Variants in ATP2B2 observed in about 807,000 individuals in gnomAD.
ATP2B2 encodes ATPase plasma membrane Ca2+ transporting 2.
A neutral mutation model predicts 120.0 loss-of-function variants in ATP2B2; 15 were observed. The observed-to-expected ratio is 0.12, with a 90% confidence interval of 0.08 to 0.19. The LOEUF (loss-of-function observed/expected upper bound fraction) is 0.19, where lower values mean the gene tolerates loss of function less well. Ranked by LOEUF, ATP2B2 falls within the 10% of genes least tolerant of loss-of-function variation. The pLI, the probability that ATP2B2 is intolerant of heterozygous loss-of-function variation, is 1.00. For synonymous variants in ATP2B2, 694 were observed against 700.3 expected (o/e 0.99, Z 0.14); for missense variants, 1,045 against 1,719.8 (o/e 0.61, Z 6.94).
Position 10,347,095 on chromosome 3 carries a change from C to T in ATP2B2, c.2405-958G>A, listed in dbSNP as rs548022610. ...GGAATGTCGTTTTCCTGCTTCCCCC[C>T]TTGGTCTCAGGATAACATCCATGTT... On this transcript the variant is annotated intron_variant, in intron 16 of 22. Coordinates refer to ENST00000360273, the MANE Select transcript of ATP2B2 (RefSeq NM_001001331.4). The surrounding 1 kb of genome is among the most constrained non-coding windows in gnomAD (Gnocchi z 5.2). Among the ~76,000 whole-genome samples, 1 of 152,130 alleles carries T rather than the reference C, an allele frequency of 6.6e-6. No individual in the cohort carries two copies. Among genetic ancestry groups the T allele is most frequent in the African/African-American group, 2.4e-5 (1 of 41,412 alleles).
intron 2 of ATP2B2, among the ~76,000 whole-genome samples, chr3:10,416,764 CT>C (rs112522558): frequency 0.036 from 5,142 of 141,522 alleles, 90 homozygotes; most frequent in Middle Eastern, 0.063. Context: ...TTTTCTTTTT[CT>C]TTTTTTTTTT....
intron 8 of ATP2B2, among the ~76,000 whole-genome samples, chr3:10,381,877 G>A (rs1166487247): frequency 2.6e-5 from 4 of 152,162 alleles, no homozygotes; most frequent in East Asian, 3.8e-4. Context: ...CTGGTAAGCT[G>A]ACCTGATACA....
chr3:10,663,333 G>T (rs1468213051), intron 1 of ATP2B2, among the ~76,000 whole-genome samples: 1 of 152,146 alleles, frequency 6.6e-6, no homozygotes, highest in Non-Finnish European at 1.5e-5. Flanking sequence ...CTGACCCTAA[G>T]ATGGGGGAAT....
chr3:10,554,464 T>A (rs2067736849), intron 2 of ATP2B2, among the ~76,000 whole-genome samples: 1 of 152,106 alleles, frequency 6.6e-6, no homozygotes, highest in South Asian at 2.1e-4. Context: ...GCCAATGGAA[T>A]ACAAGGACCT....
At chr3:10,454,542 C>T (rs1486181912) in intron 1 of ATP2B2, among the ~76,000 whole-genome samples, 3 of 152,174 alleles carry the variant, frequency 2.0e-5, no homozygotes, top group African/African-American at 7.2e-5. Context: ...GTTCCCTAAC[C>T]CTGCTTCATC....
chr3:10,513,711 TC>T (rs2066821166), intron 3 of ATP2B2, among the ~76,000 whole-genome samples: 1 of 152,014 alleles, frequency 6.6e-6, no homozygotes, highest in African/African-American at 2.4e-5. Flanking sequence ...CAGTAGACAT[TC>T]ACAGAGTCGC....
intron 1 of ATP2B2, among the ~76,000 whole-genome samples, chr3:10,688,365 T>G (rs2071574609): frequency 6.6e-6 from 1 of 152,226 alleles, no homozygotes; most frequent in African/African-American, 2.4e-5. Context: ...GGGGAGACAC[T>G]GGCCCCTAAG....
intron 1 of ATP2B2, among the ~76,000 whole-genome samples, chr3:10,467,281 C>T (rs995112589): frequency 1.3e-5 from 2 of 152,208 alleles, no homozygotes; most frequent in Non-Finnish European, 2.9e-5. Context: ...CTCAGAGCTG[C>T]CTTGTGGACC....
intron 2 of ATP2B2, among the ~76,000 whole-genome samples, chr3:10,438,161 C>T (rs1305878022): frequency 6.6e-6 from 1 of 152,186 alleles, no homozygotes; most frequent in African/African-American, 2.4e-5. Context: ...TCCCCATGTG[C>T]ACCCTGGGAT....
intron 1 of ATP2B2, among the ~76,000 whole-genome samples, chr3:10,454,690 T>C (rs1463575791): frequency 1.3e-5 from 2 of 152,372 alleles, no homozygotes; most frequent in Middle Eastern, 3.4e-3. Flanking sequence ...AAAAGCTACT[T>C]GTATGATATT....
intron 2 of ATP2B2, among the ~76,000 whole-genome samples, chr3:10,600,117 G>T (rs1046376680): frequency 1.3e-5 from 2 of 152,074 alleles, no homozygotes; most frequent in Non-Finnish European, 2.9e-5. Flanking sequence ...GCTGGTGGGG[G>T]GCCATGGGGG....
chr3:10,408,403 C>G (rs1438815305), intron 3 of ATP2B2, among the ~76,000 whole-genome samples: 2 of 152,178 alleles, frequency 1.3e-5, no homozygotes, highest in African/African-American at 4.8e-5. Flanking sequence ...TGACTTGGGG[C>G]ACAGGAGCCC....
chr3:10,375,406 G>T lies in ATP2B2; in HGVS notation c.1416+24C>A. On this transcript the variant is annotated intron_variant, in intron 11 of 22. Transcript: ENST00000360273. This position sits in a 1 kb window ranked among gnomAD's most constrained non-coding sequence, Gnocchi z 4.2. The stretch of plus-strand genomic sequence containing the variant: ...TCAGCTGCAGCTGCATCAGCCGGCT[G>T]GTCCTGCTCTCCTCCCCTCTCACCT... The T allele has an allele frequency of 6.3e-7, 1 of 1,590,160 alleles. No individual in the cohort carries two copies. Among genetic ancestry groups the T allele is most frequent in the Non-Finnish European group, 8.6e-7 (1 of 1,162,292 alleles).
At chr3:10,380,847 C>T (rs1293005710) in intron 8 of ATP2B2, among the ~76,000 whole-genome samples, 1 of 152,232 alleles carries the variant, frequency 6.6e-6, no homozygotes, top group Non-Finnish European at 1.5e-5. Flanking sequence ...GTCCCAGTTA[C>T]CTTCATCATA....
At chr3:10,370,298 C>T (rs918885405) in intron 12 of ATP2B2, among the ~76,000 whole-genome samples, 2 of 152,258 alleles carry the variant, frequency 1.3e-5, no homozygotes, top group African/African-American at 2.4e-5. Context: ...GGCTGAAGCC[C>T]GTTCTGGGAA....
At chr3:10,559,601 C>T (rs1370572873) in intron 2 of ATP2B2, among the ~76,000 whole-genome samples, 2 of 152,106 alleles carry the variant, frequency 1.3e-5, no homozygotes, top group Non-Finnish European at 2.9e-5. Flanking sequence ...ATCCAGGGTA[C>T]AGAGAGATGT....
chr3:10,610,799 C>A (rs1173854390), intron 2 of ATP2B2, among the ~76,000 whole-genome samples: 3 of 152,138 alleles, frequency 2.0e-5, no homozygotes, highest in Non-Finnish European at 4.4e-5. Context: ...CTGGAGGGAA[C>A]CTTAGGCTGG....
At position 10,355,786 on chromosome 3, in the gene ATP2B2, C is replaced by T. The variant is rs973358336; in HGVS notation, c.2136+2905G>A. On this transcript the variant is annotated intron_variant, in intron 14 of 22. Coordinates refer to ENST00000360273, the MANE Select transcript of ATP2B2 (RefSeq NM_001001331.4). ...TCCTCTTGACTTAGAACTACTTGTC[C>T]TTTCCGGCCGGGCGCGGTGGCTCAC... Among the ~76,000 whole-genome samples, 5 of 91,540 alleles carry T rather than the reference C, an allele frequency of 5.5e-5. 1 individual carries two copies. The highest frequency in any genetic ancestry group is 2.6e-4 in the Admixed American group (2 of 7,630). The allele number at this position is 91,540 out of a possible 152,430, so 60.1% of individuals were successfully genotyped here.
At chr3:10,409,196 T>A (rs761769263) in intron 3 of ATP2B2, among the ~76,000 whole-genome samples, 2 of 152,230 alleles carry the variant, frequency 1.3e-5, no homozygotes, top group Non-Finnish European at 2.9e-5. Flanking sequence ...ATATTTGGTA[T>A]AAAACTTCTT....
Sources: allele counts gnomAD v4.1 joint callset (sites outside exome capture counted in the v4.1 genomes callset), GRCh38; gene constraint gnomAD v4.1.1; non-coding constraint Gnocchi (gnomAD v3.1); transcripts MANE v1.5; gene names NCBI Gene and HGNC (gene_info 2026-07-23, HGNC 2026-07-21).